STXBP5L: variants seen among roughly 807,000 people sequenced by gnomAD.
The protein encoded by STXBP5L is syntaxin binding protein 5L.
STXBP5L carries 65 observed loss-of-function variants against 144.5 expected under a neutral mutation model. The observed-to-expected ratio is 0.45, with a 90% CI of 0.37 to 0.55. The LOEUF is 0.55. STXBP5L is among the 20% of genes least tolerant of loss of function. The pLI is 0.00. For synonymous variants in STXBP5L, 505 were observed against 469.6 expected (o/e 1.08, Z -0.97); for missense variants, 1,298 against 1,405.5 (o/e 0.92, Z 1.22).
chr3:121,144,481 G>C (rs1240180722), intron 7 of STXBP5L, among the ~76,000 whole-genome samples: 1 of 151,868 alleles, frequency 6.6e-6, no homozygotes, highest in Non-Finnish European at 1.5e-5. Context: ...GACACCTTTT[G>C]ACAAGGATGT....
intron 7 of STXBP5L, among the ~76,000 whole-genome samples, chr3:121,141,331 A>G (rs1454140664): frequency 1.3e-5 from 2 of 152,108 alleles, no homozygotes; most frequent in African/African-American, 4.8e-5. Flanking sequence ...TGAACTCGGG[A>G]GGCAGAAGTT....
At chr3:121,394,399 A>C (rs1031570868) in intron 22 of STXBP5L, among the ~76,000 whole-genome samples, 8 of 66,406 alleles carry the variant, frequency 1.2e-4, no homozygotes, top group South Asian at 8.0e-4. Flanking sequence ...TTCCAATTTG[A>C]ATGCCTTTTT....
chr3:120,987,290 A>G (rs892514571), intron 3 of STXBP5L, among the ~76,000 whole-genome samples: 1 of 152,002 alleles, frequency 6.6e-6, no homozygotes, highest in African/African-American at 2.4e-5. Context: ...ATATTGTATT[A>G]TCAGTATTTT....
At chr3:121,326,665 A>C (rs2044159373) in intron 20 of STXBP5L, among the ~76,000 whole-genome samples, 3 of 152,010 alleles carry the variant, frequency 2.0e-5, no homozygotes. Context: ...TTAGAGAAAA[A>C]TTTGACCTTA....
rs568167124 is a variant in STXBP5L, at chr3:120,926,497, T to C, written c.189+16730T>C. ...AGGATCCTCTCTCTGTCTTTGACTA[T>C]TGAGAGTTTGATTATGCCTTGGGGT... On this transcript the variant is annotated intron_variant, in intron 2 of 26. Coordinates refer to ENST00000471454, the MANE Select transcript of STXBP5L (RefSeq NM_001308330.2). 4.6e-5 allele frequency among the ~76,000 whole-genome samples: 7 copies of C among 152,264 alleles called. No homozygotes were observed. The East Asian group carries it at 1.4e-3, about 29-fold the overall frequency.
At chr3:121,325,637 G>A (rs1215774690) in intron 20 of STXBP5L, among the ~76,000 whole-genome samples, 2 of 151,862 alleles carry the variant, frequency 1.3e-5, no homozygotes, top group Admixed American at 1.3e-4. Context: ...TACCATTAAA[G>A]TTTCTGGAAA....
chr3:120,930,320 A>T (rs1027489949), intron 2 of STXBP5L, among the ~76,000 whole-genome samples: 3 of 151,598 alleles, frequency 2.0e-5, no homozygotes, highest in Non-Finnish European at 4.4e-5. Context: ...CTGTTATTTA[A>T]TCATAGTCCT....
At chr3:121,215,771 C>T (rs201095685) in intron 10 of STXBP5L, among the ~76,000 whole-genome samples, 2 of 152,268 alleles carry the variant, frequency 1.3e-5, no homozygotes, top group East Asian at 3.9e-4. Context: ...TGGGGAAGTT[C>T]TCCTGGATAA....
intron 5 of STXBP5L, among the ~76,000 whole-genome samples, chr3:121,083,997 A>G (rs2042373355): frequency 6.6e-6 from 1 of 151,630 alleles, no homozygotes; most frequent in Non-Finnish European, 1.5e-5. Flanking sequence ...CTCCTACTAG[A>G]GATTTTTCTA....
At chr3:121,092,983 A>G (rs368463213) in intron 5 of STXBP5L, among the ~76,000 whole-genome samples, 331 of 152,196 alleles carry the variant, frequency 2.2e-3, no homozygotes, top group Non-Finnish European at 3.7e-3. Context: ...TAGCATGAAG[A>G]GTTGTTGAAT....
At chr3:121,353,447 T>G (rs559834542) in intron 20 of STXBP5L, among the ~76,000 whole-genome samples, 1 of 152,348 alleles carries the variant, frequency 6.6e-6, no homozygotes, top group Admixed American at 6.5e-5. Context: ...CCATTTCTTC[T>G]AGATTTTCTA....
chr3:120,998,495 C>T (rs1053285676), intron 3 of STXBP5L, among the ~76,000 whole-genome samples: 2 of 152,042 alleles, frequency 1.3e-5, no homozygotes, highest in Admixed American at 1.3e-4. Context: ...AACCCATCAT[C>T]TACATTAGGT....
At chr3:121,335,950 A>C (rs547299722) in intron 20 of STXBP5L, among the ~76,000 whole-genome samples, 11 of 152,346 alleles carry the variant, frequency 7.2e-5, no homozygotes, top group African/African-American at 2.6e-4. Context: ...GCTTCTGCAC[A>C]GCAAAAGAAA....
At chr3:121,307,659 A>G (rs1038153672) in intron 19 of STXBP5L, among the ~76,000 whole-genome samples, 9 of 152,152 alleles carry the variant, frequency 5.9e-5, no homozygotes, top group Admixed American at 4.6e-4. Flanking sequence ...GAAGAAAAAT[A>G]AAGTCTCAGA....
Position 121,341,272 on chromosome 3 carries a change from T to C in STXBP5L, c.2176+22732T>C, listed in dbSNP as rs150246020. 3.1e-3 allele frequency among the ~76,000 whole-genome samples: 467 copies of C among 152,220 alleles called. 5 individuals carry two copies. The highest frequency in any genetic ancestry group is 0.011 in the African/African-American group (450 of 41,552). ...CAGGTTTATGTGCTCAACAAGCACA[T>C]AAAGGTGCTCGACATCCTTGATCTT... On this transcript the variant is annotated intron_variant, in intron 20 of 26. Transcript: ENST00000471454.
chr3:121,016,792 TAGTAATCTTCCA>T (rs1945178781), intron 3 of STXBP5L, among the ~76,000 whole-genome samples: 1 of 152,162 alleles, frequency 6.6e-6, no homozygotes, highest in Non-Finnish European at 1.5e-5. Flanking sequence ...AACCAATTAT[TAGTAATCTTCCA>T]AAACAGAAAG....
chr3:120,963,819 A>G (rs1040618496), intron 3 of STXBP5L, among the ~76,000 whole-genome samples: 13 of 152,206 alleles, frequency 8.5e-5, no homozygotes, highest in South Asian at 2.1e-4. Context: ...CTCTTTTTCT[A>G]TTGATTGAAA....
chr3:121,198,795 AG>A (rs1189841857), intron 9 of STXBP5L, among the ~76,000 whole-genome samples: 9 of 152,222 alleles, frequency 5.9e-5, no homozygotes, highest in African/African-American at 2.2e-4. Context: ...AGATGGTTGT[AG>A]GTGTGTGGTA....
At chr3:121,052,319 T>G (rs971588756) in intron 5 of STXBP5L, among the ~76,000 whole-genome samples, 1 of 152,164 alleles carries the variant, frequency 6.6e-6, no homozygotes, top group African/African-American at 2.4e-5. Context: ...CCAATATCCC[T>G]GATGAACATC....
Sources: gnomAD v4.1 joint callset for allele counts (sites outside exome capture counted in the v4.1 genomes callset) on GRCh38, gnomAD v4.1.1 for gene constraint, MANE v1.5 for transcripts, NCBI Gene and HGNC (gene_info 2026-07-23, HGNC 2026-07-21) for gene names.